Variants in ZCCHC24 observed in about 807,000 individuals in gnomAD.
The protein encoded by ZCCHC24 is zinc finger CCHC-type containing 24.
ZCCHC24 carries 10 observed loss-of-function variants against 26.2 expected under a neutral mutation model. The ratio of observed to expected loss-of-function variants is 0.38; its 90% CI spans 0.24 to 0.65. The LOEUF (loss-of-function observed/expected upper bound fraction) is 0.65. ZCCHC24 is among the 30% of genes least tolerant of loss of function. The probability of loss-of-function intolerance (pLI) is 0.54; values close to 1 mark genes in which losing one functional copy is unlikely to be tolerated. For synonymous variants in ZCCHC24, 144 were observed against 147.1 expected (o/e 0.98, Z 0.15); for missense variants, 243 against 329.1 (o/e 0.74, Z 2.03).
At chr10:79,428,802 A>G (rs1042180210) in intron 2 of ZCCHC24, among the ~76,000 whole-genome samples, 2 of 152,196 alleles carry the variant, frequency 1.3e-5, no homozygotes, top group South Asian at 2.1e-4. Context: ...TAACATTATT[A>G]ACGACCTTAC....
chr10:79,396,853 T>C (rs1689489180), intron 2 of ZCCHC24, among the ~76,000 whole-genome samples: 1 of 152,232 alleles, frequency 6.6e-6, no homozygotes, highest in African/African-American at 2.4e-5. Flanking sequence ...TTGGGCAAGT[T>C]ACTTCACAAG....
chr10:79,436,686 C>T (rs1857221838), intron 1 of ZCCHC24, among the ~76,000 whole-genome samples: 1 of 152,234 alleles, frequency 6.6e-6, no homozygotes, highest in Admixed American at 6.5e-5. Context: ...TGGTCACCAG[C>T]AGGGAAGGGC....
At chr10:79,397,972 AG>A (rs1256750382) in intron 2 of ZCCHC24, among the ~76,000 whole-genome samples, 1 of 152,248 alleles carries the variant, frequency 6.6e-6, no homozygotes, top group Non-Finnish European at 1.5e-5. Flanking sequence ...CGAAGGGAAC[AG>A]GAAGATGAAA....
chr10:79,389,566 G>GTGTC (rs1289094384), intron 3 of ZCCHC24, among the ~76,000 whole-genome samples: 7 of 146,782 alleles, frequency 4.8e-5, no homozygotes, highest in Non-Finnish European at 1.1e-4. Flanking sequence ...GTGTGTGTGT[G>GTGTC]TCTGTGTGAT....
intron 2 of ZCCHC24, among the ~76,000 whole-genome samples, chr10:79,428,566 T>C (rs1018273713): frequency 2.6e-5 from 4 of 152,144 alleles, no homozygotes; most frequent in Admixed American, 6.5e-5. Flanking sequence ...AACCGTAAGC[T>C]AAAAATGGTT....
chr10:79,418,340 A>G (rs1433290311), intron 2 of ZCCHC24, among the ~76,000 whole-genome samples: 1 of 152,170 alleles, frequency 6.6e-6, no homozygotes, highest in African/African-American at 2.4e-5. Context: ...AACTTGGCCA[A>G]TGTTGAACAG....
chr10:79,411,747 T>A (rs1004937036), intron 2 of ZCCHC24, among the ~76,000 whole-genome samples: 1 of 150,746 alleles, frequency 6.6e-6, no homozygotes, highest in African/African-American at 2.4e-5. Flanking sequence ...CTAGGGAGAG[T>A]CTGAAGCAAC....
At chr10:79,414,412 A>T (rs1471697854) in intron 2 of ZCCHC24, among the ~76,000 whole-genome samples, 1 of 152,296 alleles carries the variant, frequency 6.6e-6, no homozygotes, top group East Asian at 1.9e-4. Flanking sequence ...TGATTATAGA[A>T]TCTCACACTC....
intron 1 of ZCCHC24, among the ~76,000 whole-genome samples, chr10:79,441,071 G>A (rs1857285886): frequency 2.8e-5 from 3 of 107,832 alleles, no homozygotes; most frequent in Admixed American, 1.6e-4. Flanking sequence ...CCCTGGAGCT[G>A]CCCCCTAAAC....
chr10:79,436,977 A>AGG lies in ZCCHC24; in HGVS notation c.247-4220_247-4219insCC, dbSNP rs747714419. Among the ~76,000 whole-genome samples, 5 of 152,214 alleles carry AGG rather than the reference A, an allele frequency of 3.3e-5. No individual in the cohort carries two copies. In the East Asian group the frequency reaches 9.6e-4, roughly 29 times the overall value. ...GGGACCATGCATCACACTCCTGCCCAGTGCTGGAACTTCTCCAAGGTTTTT... is the reference window on the plus strand; with the variant it reads ...GGGACCATGCATCACACTCCTGCCCAGGGTGCTGGAACTTCTCCAAGGTTTTT... On this transcript the variant is annotated intron_variant, in intron 1 of 3. Coordinates refer to ENST00000372336, the MANE Select transcript of ZCCHC24 (RefSeq NM_153367.4).
At chr10:79,390,026 G>A (rs1039585198) in intron 3 of ZCCHC24, among the ~76,000 whole-genome samples, 7 of 152,086 alleles carry the variant, frequency 4.6e-5, no homozygotes, top group Admixed American at 3.9e-4. Context: ...ACCATACCTG[G>A]CTAATTGTTT....
chr10:79,407,210 G>A (rs573088342), intron 2 of ZCCHC24, among the ~76,000 whole-genome samples: 2 of 152,354 alleles, frequency 1.3e-5, no homozygotes, highest in East Asian at 3.9e-4. Context: ...GGGGTGGAGC[G>A]CCAGCCAGGT....
At position 79,383,726 on chromosome 10, in the gene ZCCHC24, A is replaced by G. The variant is rs1589655080; in HGVS notation, c.*2619T>C. 2.6e-5 allele frequency: 4 copies of G among 152,444 alleles called. No individual in the cohort carries two copies. In the East Asian group the frequency reaches 7.5e-4, roughly 29 times the overall value. 9.4% of individuals were successfully genotyped at this position (152,444 alleles called of 1,614,324 possible). Reference sequence around the variant, plus strand: ...AAAAGCTACCAAATTCAGTGTTGTGAGAAAAACTGGTAACCATGCAGAAAT... The same window carrying G: ...AAAAGCTACCAAATTCAGTGTTGTGGGAAAAACTGGTAACCATGCAGAAAT... On this transcript the variant is annotated 3_prime_UTR_variant, in exon 4 of 4. Coordinates refer to ENST00000372336, the MANE Select transcript of ZCCHC24 (RefSeq NM_153367.4).
chr10:79,436,343 C>G (rs1857217232), intron 1 of ZCCHC24, among the ~76,000 whole-genome samples: 1 of 152,180 alleles, frequency 6.6e-6, no homozygotes, highest in Non-Finnish European at 1.5e-5. Context: ...TGACCTCATC[C>G]TTTCCCCTTA....
intron 1 of ZCCHC24, among the ~76,000 whole-genome samples, chr10:79,434,533 T>G (rs1190411479): frequency 2.0e-5 from 3 of 152,098 alleles, no homozygotes; most frequent in Non-Finnish European, 4.4e-5. Context: ...CACTGGAAAT[T>G]TTACACGTAT....
intron 2 of ZCCHC24, among the ~76,000 whole-genome samples, chr10:79,428,327 G>A (rs1399583201): frequency 6.6e-6 from 1 of 151,040 alleles, no homozygotes; most frequent in African/African-American, 2.5e-5. Context: ...CAAATTCAGA[G>A]ACAGAAGGTA....
At chr10:79,434,007 C>T (rs1857180203) in intron 1 of ZCCHC24, among the ~76,000 whole-genome samples, 1 of 152,242 alleles carries the variant, frequency 6.6e-6, no homozygotes, top group African/African-American at 2.4e-5. Context: ...TATCCATCTG[C>T]AGGCATCTGC....
chr10:79,434,613 C>T (rs1857188621), intron 1 of ZCCHC24, among the ~76,000 whole-genome samples: 1 of 152,162 alleles, frequency 6.6e-6, no homozygotes, highest in South Asian at 2.1e-4. Flanking sequence ...GAGTGTGCCC[C>T]AACCTGTATT....
intron 1 of ZCCHC24, among the ~76,000 whole-genome samples, chr10:79,437,983 C>G (rs1302774227): frequency 2.0e-5 from 3 of 152,188 alleles, no homozygotes; most frequent in Non-Finnish European, 2.9e-5. Flanking sequence ...GCAGTGACAG[C>G]AGGCAGGATG....
Sources: gnomAD v4.1 joint callset for allele counts (sites outside exome capture counted in the v4.1 genomes callset) on GRCh38, gnomAD v4.1.1 for gene constraint, MANE v1.5 for transcripts, NCBI Gene and HGNC (gene_info 2026-07-23, HGNC 2026-07-21) for gene names.